The following KATNIP variants were observed in gnomAD, a reference collection of about 807,000 sequenced individuals.
KATNIP encodes katanin-interacting protein.
A neutral mutation model predicts 174.0 loss-of-function variants in KATNIP; 126 were observed. That is an observed-to-expected ratio of 0.72 (90% CI 0.63 to 0.84). The LOEUF (loss-of-function observed/expected upper bound fraction) is 0.84. Ranked by LOEUF, KATNIP falls within the 40% of genes least tolerant of loss-of-function variation. KATNIP has a pLI of 0.00. For synonymous variants in KATNIP, 810 were observed against 835.7 expected, an observed-to-expected ratio of 0.97 and a Z score of 0.53; for missense variants, 1,958 against 2,109.7, an observed-to-expected ratio of 0.93 and a Z score of 1.41.
intron 6 of KATNIP, among the ~76,000 whole-genome samples, chr16:27,651,144 C>T (rs2077109111): frequency 6.6e-6 from 1 of 152,188 alleles, no homozygotes; most frequent in Non-Finnish European, 1.5e-5. Flanking sequence ...TTTGTGAGCT[C>T]TCAAGCTCCC....
At position 27,648,600 on chromosome 16, in the gene KATNIP, A is replaced by G; in HGVS notation, c.409-4A>G. 1 of 1,614,004 alleles carries G rather than the reference A, an allele frequency of 6.2e-7. No individual in the cohort carries two copies. Among genetic ancestry groups the G allele is most frequent in the Non-Finnish European group, 8.5e-7 (1 of 1,179,966 alleles). ...TATCTGAAATGGCCTGCATTTTTGTACAGAAATCTGTGCAGATCAGAACAG... is the reference window on the plus strand; with the variant it reads ...TATCTGAAATGGCCTGCATTTTTGTGCAGAAATCTGTGCAGATCAGAACAG... On this transcript the variant is annotated splice_polypyrimidine_tract_variant and splice_region_variant and intron_variant, in intron 5 of 27. Transcript: ENST00000261588.
chr16:27,669,444 T>A lies in KATNIP; in HGVS notation c.541-8285T>A, dbSNP rs968525873. 1.7e-5 allele frequency: 4 copies of A among 236,632 alleles called. No individual in the cohort carries two copies. The South Asian group carries it at 6.2e-4, about 37-fold the overall frequency. 14.7% of individuals were successfully genotyped at this position (236,632 alleles called of 1,614,324 possible). A position where few individuals can be genotyped will look rare whatever the true frequency, so the allele number is the denominator to read the frequency against. On this transcript the variant is annotated intron_variant, in intron 6 of 27. Transcript: ENST00000261588. Reference sequence around the variant, plus strand: ...GGCTTGAACTTAACATTTTAAACACTGAACACTGAAATCAAATATAACAAG... The same window carrying A: ...GGCTTGAACTTAACATTTTAAACACAGAACACTGAAATCAAATATAACAAG...
chr16:27,768,623 C>T (rs1481030656), intron 20 of KATNIP, among the ~76,000 whole-genome samples: 2 of 152,158 alleles, frequency 1.3e-5, no homozygotes, highest in Non-Finnish European at 1.5e-5. Flanking sequence ...GTTTCAAGTT[C>T]AGCTCAGGGG....
chr16:27,721,725 G>A lies in KATNIP; in HGVS notation c.1743+30G>A. 3 of 1,608,496 alleles carry A rather than the reference G, an allele frequency of 1.9e-6. No homozygotes were observed. In the East Asian group the frequency reaches 6.7e-5, roughly 36 times the overall value. The stretch of plus-strand genomic sequence containing the variant: ...GTAACAGGCGCTGGTTCCCCACTGG[G>A]CACTGGGTTGATGGAAGCACTTAGC... On this transcript the variant is annotated intron_variant, in intron 14 of 27. Coordinates refer to ENST00000261588, the MANE Select transcript of KATNIP (RefSeq NM_015202.5).
chr16:27,648,523 C>T (rs1196504269), intron 5 of KATNIP, 81 bp from the exon 6 acceptor site: 13 of 1,546,892 alleles, frequency 8.4e-6, no homozygotes, highest in South Asian at 4.8e-5. Context: ...CTGGCTGAAC[C>T]TCTCCAGTGC....
intron 4 of KATNIP, 54 bp from the exon 5 acceptor site, chr16:27,631,011 T>G: frequency 7.1e-7 from 1 of 1,411,790 alleles, no homozygotes; most frequent in Non-Finnish European, 9.8e-7. Flanking sequence ...AACCCAGTAC[T>G]GTGAGCTTGT....
At position 27,708,985 on chromosome 16, in the gene KATNIP, G is replaced by A. The variant is rs16976950; in HGVS notation, c.1605+65G>A. 195,526 of 1,322,932 alleles carry A rather than the reference G, an allele frequency of 0.15. 16,583 individuals are homozygous for A. Among genetic ancestry groups the A allele is most frequent in the African/African-American group, 0.33 (23,001 of 69,290 alleles). The allele number at this position is 1,322,932 out of a possible 1,614,324, so 81.9% of individuals were successfully genotyped here. A position where few individuals can be genotyped will look rare whatever the true frequency, so the allele number is the denominator to read the frequency against. ...TTCCCATGCATTTTCTCTGCCCTTGGTAAATCTGTGTTAAGGGTATGAGTG... is the reference window on the plus strand; with the variant it reads ...TTCCCATGCATTTTCTCTGCCCTTGATAAATCTGTGTTAAGGGTATGAGTG... On this transcript the variant is annotated intron_variant, in intron 13 of 27. Coordinates refer to ENST00000261588, the MANE Select transcript of KATNIP (RefSeq NM_015202.5).
intron 18 of KATNIP, among the ~76,000 whole-genome samples, chr16:27,759,019 T>C (rs1298884703): frequency 1.3e-5 from 2 of 152,250 alleles, no homozygotes; most frequent in Non-Finnish European, 2.9e-5. Flanking sequence ...ACTGTGAAGT[T>C]GGTAAAACCC....
intron 11 of KATNIP, 127 bp from the exon 12 acceptor site, chr16:27,703,769 T>C: frequency 1.4e-6 from 1 of 718,572 alleles, no homozygotes; most frequent in Non-Finnish European, 2.5e-6. Flanking sequence ...GCCTTTGAAC[T>C]GGATACAGAG....
At chr16:27,607,577 C>A (rs938521090) in intron 2 of KATNIP, among the ~76,000 whole-genome samples, 1 of 149,534 alleles carries the variant, frequency 6.7e-6, no homozygotes. Flanking sequence ...AGCTCTGTGA[C>A]CCTAGACAGT....
chr16:27,659,723 CT>C (rs1169071071), intron 6 of KATNIP, among the ~76,000 whole-genome samples: 1 of 151,962 alleles, frequency 6.6e-6, no homozygotes, highest in African/African-American at 2.4e-5. Flanking sequence ...TTAGGTATGA[CT>C]TGAAAAAATA....
At position 27,708,718 on chromosome 16, in the gene KATNIP, T is replaced by C. The variant is rs760213051; in HGVS notation, c.1403T>C (p.Met468Thr). 36 of 1,612,076 alleles carry C rather than the reference T, an allele frequency of 2.2e-5. No individual in the cohort carries two copies. Among genetic ancestry groups the C allele is most frequent in the Non-Finnish European group, 3.0e-5 (35 of 1,178,732 alleles). Residue 468 changes from methionine (M) to threonine (T), a missense_variant, in exon 13 of 28, where the codon ATG becomes ACG. Coordinates refer to ENST00000261588, the MANE Select transcript of KATNIP (RefSeq NM_015202.5). ...QVSDTEDKQRMRADEIKDAIY... is the reference protein window; with the variant it reads ...QVSDTEDKQRTRADEIKDAIY... ...CTCTTCTTTAAGGACAAACAGAGAA[T>C]GAGGGCAGACGAGATCAAAGATGCC...
At chr16:27,648,390 C>T (rs1036422541) in intron 5 of KATNIP, among the ~76,000 whole-genome samples, 3 of 152,218 alleles carry the variant, frequency 2.0e-5, no homozygotes, top group East Asian at 1.9e-4. Context: ...GACTCTTGAG[C>T]GAGGCGGCAT....
At chr16:27,601,598 G>A (rs1234820722) in intron 2 of KATNIP, among the ~76,000 whole-genome samples, 3 of 152,172 alleles carry the variant, frequency 2.0e-5, no homozygotes, top group African/African-American at 7.2e-5. Flanking sequence ...TTACAAGCAT[G>A]AGCCACTGCG....
chr16:27,583,097 A>T (rs2090760361), intron 2 of KATNIP, among the ~76,000 whole-genome samples: 1 of 152,146 alleles, frequency 6.6e-6, no homozygotes, highest in African/African-American at 2.4e-5. Context: ...CAGGGCCAAG[A>T]CTCCAGTGCC....
intron 5 of KATNIP, among the ~76,000 whole-genome samples, chr16:27,644,912 G>A (rs1290150875): frequency 1.3e-5 from 2 of 152,196 alleles, no homozygotes; most frequent in Non-Finnish European, 2.9e-5. Context: ...GGTGAGGTAA[G>A]TAAGGCACCT....
In KATNIP at chr16:27,754,175, C is replaced by G; in HGVS notation, c.3555C>G (p.Ile1185Met). Residue 1185 changes from isoleucine (I) to methionine (M), a missense_variant and splice_region_variant, in exon 18 of 28, where the codon ATC (isoleucine) becomes ATG (methionine). Physicochemically the swap from Ile to Met is conservative, Grantham distance 10. Around this residue, in one of 3 missense-constraint regions of KATNIP, gnomAD observed 1,557 missense variants for 1,617.8 expected, o/e 0.96. Coordinates refer to ENST00000261588, the MANE Select transcript of KATNIP (RefSeq NM_015202.5). ...CTGCTTCTCCAACCCATGTGCAGATCCCGGAGCTAGAGCTCCCATCCAGTT... is the reference window on the plus strand; with the variant it reads ...CTGCTTCTCCAACCCATGTGCAGATGCCGGAGCTAGAGCTCCCATCCAGTT... ...TQAGLGADER[I>M]PELELPSSSP... The G allele has an allele frequency of 6.2e-7, 1 of 1,613,666 alleles. No individual in the cohort carries two copies.
chr16:27,764,098 A>AT (rs1417311812), intron 19 of KATNIP, among the ~76,000 whole-genome samples: 1 of 152,140 alleles, frequency 6.6e-6, no homozygotes, highest in East Asian at 1.9e-4. Flanking sequence ...AAATGGTGGT[A>AT]TTTTCACCTA....
chr16:27,706,189 C>A (rs942054584), intron 12 of KATNIP, among the ~76,000 whole-genome samples: 2 of 152,192 alleles, frequency 1.3e-5, no homozygotes, highest in Non-Finnish European at 2.9e-5. Context: ...TCTGCTCCCT[C>A]CTCATGGTCC....
Sources: allele counts gnomAD v4.1 joint callset (sites outside exome capture counted in the v4.1 genomes callset), GRCh38; gene constraint gnomAD v4.1.1; regional missense constraint gnomAD v4.1.1; transcripts MANE v1.5; gene names NCBI Gene and HGNC (gene_info 2026-07-23, HGNC 2026-07-21).